The following MYO3B variants were observed in gnomAD, a reference collection of about 807,000 sequenced individuals.
The protein encoded by MYO3B is myosin-IIIb.
MYO3B carries 156 observed loss-of-function variants against 174.6 expected under a neutral mutation model. The observed-to-expected ratio is 0.89, with a 90% confidence interval of 0.78 to 1.02. The LOEUF (loss-of-function observed/expected upper bound fraction) is 1.02. Ranked by LOEUF, MYO3B falls within the 50% of genes least tolerant of loss-of-function variation. The pLI is 0.00. For synonymous variants in MYO3B, 563 were observed against 569.1 expected (o/e 0.99, Z 0.15); for missense variants, 1,632 against 1,639.4 (o/e 1.00, Z 0.08).
intron 18 of MYO3B, among the ~76,000 whole-genome samples, chr2:170,402,105 G>C (rs555707137): frequency 3.0e-4 from 46 of 152,150 alleles, no homozygotes; most frequent in Non-Finnish European, 6.3e-4. Flanking sequence ...GGACAAACTG[G>C]GTTCGCACCC....
chr2:170,306,666 A>T (rs970909085), intron 7 of MYO3B, among the ~76,000 whole-genome samples: 2 of 140,064 alleles, frequency 1.4e-5, no homozygotes, highest in Non-Finnish European at 3.0e-5. Flanking sequence ...GCCCAAAGCC[A>T]GCGTGTCCAT....
intron 32 of MYO3B, among the ~76,000 whole-genome samples, chr2:170,600,365 C>T (rs1285506843): frequency 6.6e-6 from 1 of 152,036 alleles, no homozygotes; most frequent in Non-Finnish European, 1.5e-5. Flanking sequence ...CCAAATTGTT[C>T]CCTAAACTGC....
At chr2:170,650,416 G>T (rs1039270859) in intron 32 of MYO3B, among the ~76,000 whole-genome samples, 1 of 151,928 alleles carries the variant, frequency 6.6e-6, no homozygotes, top group Non-Finnish European at 1.5e-5. Context: ...GAAATCTCTG[G>T]TGAAGTTAAA....
intron 7 of MYO3B, among the ~76,000 whole-genome samples, chr2:170,327,200 C>T (rs536943695): frequency 2.0e-5 from 3 of 152,304 alleles, no homozygotes; most frequent in African/African-American, 7.2e-5. Flanking sequence ...TCCTGGCCCA[C>T]ATGGTAAAAC....
chr2:170,323,959 A>G (rs972252304), intron 7 of MYO3B, among the ~76,000 whole-genome samples: 1 of 152,176 alleles, frequency 6.6e-6, no homozygotes, highest in Non-Finnish European at 1.5e-5. Context: ...CTTAGCACTC[A>G]TGACTGAGTT....
chr2:170,531,544 T>C (rs1469826724), intron 30 of MYO3B, among the ~76,000 whole-genome samples: 1 of 152,236 alleles, frequency 6.6e-6, no homozygotes, highest in Non-Finnish European at 1.5e-5. Context: ...ACAAAGTATG[T>C]AGCATCTCAT....
At chr2:170,482,984 C>T (rs1685793558) in intron 25 of MYO3B, among the ~76,000 whole-genome samples, 1 of 152,242 alleles carries the variant, frequency 6.6e-6, no homozygotes, top group Non-Finnish European at 1.5e-5. Context: ...TTAAGCCCTG[C>T]CTTTTTCATG....
intron 7 of MYO3B, among the ~76,000 whole-genome samples, chr2:170,245,702 T>C (rs2093181931): frequency 1.3e-5 from 2 of 152,238 alleles, no homozygotes; most frequent in African/African-American, 4.8e-5. Context: ...GTATCCTCTC[T>C]ATATTCTGTG....
chr2:170,414,403 G>A (rs1288964746), intron 22 of MYO3B, among the ~76,000 whole-genome samples: 2 of 152,216 alleles, frequency 1.3e-5, no homozygotes, highest in East Asian at 3.9e-4. Context: ...TGGCCAGGCT[G>A]GTCTCGAACT....
intron 6 of MYO3B, among the ~76,000 whole-genome samples, chr2:170,225,350 C>T (rs1488583961): frequency 6.6e-6 from 1 of 152,200 alleles, no homozygotes; most frequent in Admixed American, 6.5e-5. Context: ...AAAGTCCTTA[C>T]TTTTAACCAC....
At chr2:170,321,792 T>C (rs1405635562) in intron 7 of MYO3B, among the ~76,000 whole-genome samples, 7 of 152,140 alleles carry the variant, frequency 4.6e-5, no homozygotes, top group Admixed American at 4.6e-4. Flanking sequence ...AATTCTTGTG[T>C]AAATACACTT....
intron 32 of MYO3B, among the ~76,000 whole-genome samples, chr2:170,633,026 G>A (rs1461976756): frequency 3.9e-5 from 6 of 152,108 alleles, no homozygotes; most frequent in African/African-American, 9.7e-5. Context: ...ATTCACAGCC[G>A]AATTCTACCA....
chr2:170,483,044 A>G (rs1022903960), intron 25 of MYO3B, among the ~76,000 whole-genome samples: 2 of 152,264 alleles, frequency 1.3e-5, no homozygotes, highest in Admixed American at 6.5e-5. Flanking sequence ...TAGAAAAATC[A>G]TTTCTGTAGT....
chr2:170,405,397 A>C, intron 20 of MYO3B, 148 bp from the exon 21 acceptor site: 1 of 650,540 alleles, frequency 1.5e-6, no homozygotes, highest in East Asian at 2.7e-5. Flanking sequence ...AATGCCCATC[A>C]TATCGGTGAT....
chr2:170,559,765 T>C (rs1691581955), intron 32 of MYO3B, among the ~76,000 whole-genome samples: 1 of 152,138 alleles, frequency 6.6e-6, no homozygotes, highest in South Asian at 2.1e-4. Context: ...GACTAGAGCT[T>C]TGCCTGAGCA....
chr2:170,400,095 T>G, intron 16 of MYO3B, 93 bp from the exon 17 acceptor site: 1 of 1,528,770 alleles, frequency 6.5e-7, no homozygotes, highest in Non-Finnish European at 9.0e-7. Flanking sequence ...GAATGGACTT[T>G]GGTAGACAAC....
At chr2:170,644,677 A>C (rs1172369403) in intron 32 of MYO3B, 1 of 152,224 alleles carries the variant, frequency 6.6e-6, no homozygotes, top group African/African-American at 2.4e-5. Flanking sequence ...AGAAAAATTA[A>C]ATTTACAAAC....
chr2:170,274,379 A>C (rs1199433556), intron 7 of MYO3B, among the ~76,000 whole-genome samples: 1 of 152,166 alleles, frequency 6.6e-6, no homozygotes, highest in East Asian at 1.9e-4. Context: ...AAACTCCTTT[A>C]ACTCAAGCTT....
At chr2:170,356,196 C>T (rs1005725152) in intron 8 of MYO3B, among the ~76,000 whole-genome samples, 1 of 151,680 alleles carries the variant, frequency 6.6e-6, no homozygotes, top group African/African-American at 2.4e-5. Context: ...CTCCTGACCT[C>T]GTGATCCGCC....
Sources: gnomAD v4.1 joint callset for allele counts (sites outside exome capture counted in the v4.1 genomes callset) on GRCh38, gnomAD v4.1.1 for gene constraint, MANE v1.5 for transcripts, NCBI Gene and HGNC (gene_info 2026-07-23, HGNC 2026-07-21) for gene names.